TMEM45A: variants seen among roughly 807,000 people sequenced by gnomAD.
TMEM45A encodes transmembrane protein 45A, also known as DNA polymerase-transactivated protein 4.
In TMEM45A, 25 loss-of-function variants were observed where a neutral mutation model predicts 32.0. The ratio of observed to expected loss-of-function variants is 0.78; its 90% CI spans 0.57 to 1.09. TMEM45A has a LOEUF of 1.09. TMEM45A is among the 50% of genes least tolerant of loss of function. The probability of loss-of-function intolerance (pLI) is 0.00; values close to 1 mark genes in which losing one functional copy is unlikely to be tolerated. For synonymous variants in TMEM45A, 122 were observed against 114.8 expected, an observed-to-expected ratio of 1.06 and a Z score of -0.40; for missense variants, 302 against 325.0, an observed-to-expected ratio of 0.93 and a Z score of 0.54.
intron 5 of TMEM45A, among the ~76,000 whole-genome samples, chr3:100,575,363 CTTTTTTTTTTT>C (rs59739893): frequency 1.8e-4 from 11 of 62,764 alleles, no homozygotes; most frequent in Admixed American, 1.1e-3. Context: ...TATGGATTCT[CTTTTTTTTTTT>C]TTTTTTTTTT....
chr3:100,541,813 G>T (rs1392573085), intron 1 of TMEM45A, among the ~76,000 whole-genome samples: 7 of 152,176 alleles, frequency 4.6e-5, no homozygotes, highest in Non-Finnish European at 8.8e-5. Flanking sequence ...ATTTTTGTAT[G>T]TAGTGAAAGC....
intron 1 of TMEM45A, among the ~76,000 whole-genome samples, chr3:100,506,117 C>T (rs894903157): frequency 6.6e-6 from 1 of 152,204 alleles, no homozygotes; most frequent in Non-Finnish European, 1.5e-5. Flanking sequence ...CAGAGCCTGG[C>T]TCTCACCAAA....
intron 1 of TMEM45A, among the ~76,000 whole-genome samples, chr3:100,542,233 T>C (rs1408307763): frequency 6.6e-6 from 1 of 152,204 alleles, no homozygotes; most frequent in Non-Finnish European, 1.5e-5. Flanking sequence ...AATCTGTAGA[T>C]TGCTTTGGGA....
At chr3:100,533,250 A>G (rs1164414615) in intron 1 of TMEM45A, among the ~76,000 whole-genome samples, 1 of 152,142 alleles carries the variant, frequency 6.6e-6, no homozygotes, top group Non-Finnish European at 1.5e-5. Context: ...AAAAGAAAAA[A>G]AAAAGATTCC....
intron 1 of TMEM45A, among the ~76,000 whole-genome samples, chr3:100,526,327 A>G (rs1490694201): frequency 6.6e-6 from 1 of 152,162 alleles, no homozygotes; most frequent in East Asian, 1.9e-4. Flanking sequence ...TTAAAGTCTC[A>G]TCTTCAGCCA....
chr3:100,533,823 T>C (rs923853458), intron 1 of TMEM45A, among the ~76,000 whole-genome samples: 2 of 152,178 alleles, frequency 1.3e-5, no homozygotes, highest in African/African-American at 4.8e-5. Context: ...TTTATTGATA[T>C]TGTCATTCTC....
chr3:100,503,674 G>A (rs72943283), intron 1 of TMEM45A, among the ~76,000 whole-genome samples: 2,188 of 152,264 alleles, frequency 0.014, 48 homozygotes, highest in African/African-American at 0.05. Context: ...TTGCTATGAA[G>A]CTTTTTCTTC....
At chr3:100,541,025 G>A (rs1306872715) in intron 1 of TMEM45A, among the ~76,000 whole-genome samples, 1 of 152,152 alleles carries the variant, frequency 6.6e-6, no homozygotes, top group Non-Finnish European at 1.5e-5. Context: ...CCTCTGACTG[G>A]TATGAGATGG....
At chr3:100,537,401 C>T (rs1196456957) in intron 1 of TMEM45A, among the ~76,000 whole-genome samples, 1 of 152,202 alleles carries the variant, frequency 6.6e-6, no homozygotes, top group Non-Finnish European at 1.5e-5. Flanking sequence ...GTTGGCAAAT[C>T]ATTTCCTTGT....
chr3:100,551,404 T>C (rs1026975960), intron 1 of TMEM45A, among the ~76,000 whole-genome samples: 18 of 152,126 alleles, frequency 1.2e-4, no homozygotes, highest in Non-Finnish European at 2.1e-4. Context: ...GCATTTTCCC[T>C]GGGGTTGCTG....
intron 1 of TMEM45A, among the ~76,000 whole-genome samples, chr3:100,499,300 T>G (rs527694085): frequency 6.6e-6 from 1 of 152,334 alleles, no homozygotes; most frequent in South Asian, 2.1e-4. Context: ...TCCATATGCC[T>G]TCTTCTGAGA....
At chr3:100,540,900 C>T (rs2148966431) in intron 1 of TMEM45A, among the ~76,000 whole-genome samples, 1 of 152,218 alleles carries the variant, frequency 6.6e-6, no homozygotes. Flanking sequence ...GGGAAATCTC[C>T]AAATGCTTTC....
chr3:100,497,550 T>C (rs1246557732), intron 1 of TMEM45A, among the ~76,000 whole-genome samples: 1 of 152,226 alleles, frequency 6.6e-6, no homozygotes, highest in Non-Finnish European at 1.5e-5. Flanking sequence ...CATTAAACAA[T>C]AAATCCCTGT....
chr3:100,519,375 GTGTGTGTGTGCA>G, intron 1 of TMEM45A: 1 of 584,724 alleles, frequency 1.7e-6, no homozygotes, highest in Non-Finnish European at 3.0e-6. Flanking sequence ...CAGGTTGTGT[GTGTGTGTGTGCA>G]TGTGTGTGTG....
In TMEM45A at chr3:100,527,214, G is replaced by A. The variant is rs1479806447; in HGVS notation, c.-3-27995G>A. On this transcript the variant is annotated intron_variant, in intron 1 of 5. Transcript: ENST00000323523. ...AGATATTTGTAAAGTGAGAATAAATGAGGGTCAATAAAAAAGTATTTCAAA... is the reference window on the plus strand; with the variant it reads ...AGATATTTGTAAAGTGAGAATAAATAAGGGTCAATAAAAAAGTATTTCAAA... Among the ~76,000 whole-genome samples, 6 of 152,194 alleles carry A rather than the reference G, an allele frequency of 3.9e-5. No homozygotes were observed. The East Asian group carries it at 9.6e-4, about 24-fold the overall frequency.
chr3:100,502,496 C>G (rs1708020429), intron 1 of TMEM45A, among the ~76,000 whole-genome samples: 1 of 151,924 alleles, frequency 6.6e-6, no homozygotes, highest in Admixed American at 6.6e-5. Context: ...AGACAGGGTC[C>G]CACTCTGTTG....
At chr3:100,566,630 G>A (rs1220295684) in intron 4 of TMEM45A, among the ~76,000 whole-genome samples, 4 of 151,778 alleles carry the variant, frequency 2.6e-5, no homozygotes, top group African/African-American at 9.7e-5. Context: ...CAATATATAA[G>A]GATTTCAATT....
At chr3:100,493,795 G>A (rs1228645153) in intron 1 of TMEM45A, among the ~76,000 whole-genome samples, 8 of 152,080 alleles carry the variant, frequency 5.3e-5, no homozygotes, top group African/African-American at 1.9e-4. Flanking sequence ...GCAATGGCAC[G>A]ATCTCGGCTT....
intron 1 of TMEM45A, among the ~76,000 whole-genome samples, chr3:100,529,888 G>A (rs1236969333): frequency 6.6e-6 from 1 of 152,076 alleles, no homozygotes; most frequent in Non-Finnish European, 1.5e-5. Context: ...AAAGTGCTGG[G>A]GGTTATGGGT....
Sources: gnomAD v4.1 joint callset for allele counts (sites outside exome capture counted in the v4.1 genomes callset) on GRCh38, gnomAD v4.1.1 for gene constraint, MANE v1.5 for transcripts, NCBI Gene and HGNC (gene_info 2026-07-23, HGNC 2026-07-21) for gene names.